Variants in DCAF6 observed in about 807,000 individuals in gnomAD.
DCAF6 encodes the protein DDB1- and CUL4-associated factor 6.
DCAF6 carries 54 observed loss-of-function variants against 125.1 expected under a neutral mutation model. The observed-to-expected ratio is 0.43, with a 90% CI of 0.35 to 0.54. DCAF6 has a LOEUF of 0.54. Ranked by LOEUF, DCAF6 falls within the 20% of genes least tolerant of loss-of-function variation. The pLI, the probability that DCAF6 is intolerant of heterozygous loss-of-function variation, is 0.01. For missense variants in DCAF6, 934 were observed against 1,161.7 expected, an observed-to-expected ratio of 0.80 and a Z score of 2.85; for synonymous variants, 371 against 390.4, an observed-to-expected ratio of 0.95 and a Z score of 0.58.
chr1:168,052,217 A>G lies in DCAF6; in HGVS notation c.2300+1284A>G, dbSNP rs114387368. On this transcript the variant is annotated intron_variant, in intron 17 of 21. Transcript: ENST00000367840. Reference sequence around the variant, plus strand: ...ACTTTCTGATTAATTGTATGACAATAAAATGGAATTTGCTTCAGAGTTTTT... The same window carrying G: ...ACTTTCTGATTAATTGTATGACAATGAAATGGAATTTGCTTCAGAGTTTTT... Among the ~76,000 whole-genome samples, 319 of 152,358 alleles carry G rather than the reference A, an allele frequency of 2.1e-3. 2 individuals carry two copies. The highest frequency in any genetic ancestry group is 7.2e-3 in the African/African-American group (298 of 41,582).
At chr1:167,905,151 A>G in the DCAF6 span, 2 of 1,614,196 alleles carry the variant, frequency 1.2e-6, no homozygotes, top group Non-Finnish European at 1.7e-6. Flanking sequence ...GTTCAAGACA[A>G]ATGTTCAGGA....
chr1:167,878,010 T>C, the DCAF6 span, among the ~76,000 whole-genome samples: 82 of 152,320 alleles, frequency 5.4e-4, no homozygotes, highest in African/African-American at 1.9e-3. Context: ...CACCCATAAA[T>C]CTATGCTGAG....
intron 2 of DCAF6, among the ~76,000 whole-genome samples, chr1:167,958,183 G>T (rs921276736): frequency 1.3e-5 from 2 of 152,216 alleles, no homozygotes; most frequent in African/African-American, 4.8e-5. Context: ...TGCTTGGGCT[G>T]TTGGTGCCGT....
chr1:168,039,886 A>T (rs955617686), intron 13 of DCAF6, among the ~76,000 whole-genome samples: 5 of 151,740 alleles, frequency 3.3e-5, no homozygotes, highest in Admixed American at 3.3e-4. Context: ...ATTAAGTAGG[A>T]TCTTAAAATA....
chr1:167,986,952 T>C (rs1218626407), intron 4 of DCAF6, among the ~76,000 whole-genome samples: 1 of 152,224 alleles, frequency 6.6e-6, no homozygotes, highest in African/African-American at 2.4e-5. Context: ...ATATAAAGTT[T>C]GACATTTAAA....
At chr1:167,949,660 T>C (rs1673623477) in intron 1 of DCAF6, among the ~76,000 whole-genome samples, 1 of 152,132 alleles carries the variant, frequency 6.6e-6, no homozygotes, top group Admixed American at 6.5e-5. Flanking sequence ...GTAGTAAATT[T>C]TTTTGCCTCT....
chr1:167,975,630 C>T (rs1571753102), intron 4 of DCAF6, among the ~76,000 whole-genome samples: 1 of 152,326 alleles, frequency 6.6e-6, no homozygotes, highest in East Asian at 1.9e-4. Flanking sequence ...TCTGCAGCTT[C>T]AAACTCCCAG....
At chr1:168,049,410 T>G (rs1040172711) in intron 16 of DCAF6, among the ~76,000 whole-genome samples, 1 of 140,436 alleles carries the variant, frequency 7.1e-6, no homozygotes, top group Non-Finnish European at 1.5e-5. Flanking sequence ...ACTCTGCTAA[T>G]TTGTTGTTGT....
chr1:168,067,581 G>T (rs1692492750), intron 20 of DCAF6, among the ~76,000 whole-genome samples: 1 of 152,174 alleles, frequency 6.6e-6, no homozygotes, highest in Non-Finnish European at 1.5e-5. Flanking sequence ...CCATCAGTGT[G>T]CCTGGAACCC....
intron 13 of DCAF6, among the ~76,000 whole-genome samples, chr1:168,039,865 TA>T (rs1433518634): frequency 6.6e-6 from 1 of 151,658 alleles, no homozygotes; most frequent in African/African-American, 2.4e-5. Context: ...TATTTTATAT[TA>T]AAATATTTGA....
chr1:168,010,398 G>GGTCA (rs1684125077), intron 10 of DCAF6, among the ~76,000 whole-genome samples: 1 of 152,056 alleles, frequency 6.6e-6, no homozygotes, highest in Admixed American at 6.5e-5. Context: ...AATCTAGAGG[G>GGTCA]GTCACAGTGT....
the DCAF6 span, among the ~76,000 whole-genome samples, chr1:167,925,828 T>C: frequency 1.3e-5 from 2 of 152,170 alleles, no homozygotes; most frequent in African/African-American, 4.8e-5. Flanking sequence ...ATTACAGGCG[T>C]GAGCCACCGT....
intron 3 of DCAF6, among the ~76,000 whole-genome samples, chr1:167,974,213 T>TA (rs201606118): frequency 1.4e-4 from 21 of 150,954 alleles, no homozygotes; most frequent in Middle Eastern, 3.4e-3. Context: ...CCTTGCCCAT[T>TA]AAAAAAAAAT....
intron 21 of DCAF6, among the ~76,000 whole-genome samples, chr1:168,069,783 T>C (rs1185448965): frequency 6.6e-6 from 1 of 152,186 alleles, no homozygotes; most frequent in East Asian, 1.9e-4. Context: ...AAAATGTTAA[T>C]AGACCAACAA....
chr1:168,032,205 G>A (rs1687192040), intron 12 of DCAF6, among the ~76,000 whole-genome samples: 1 of 152,182 alleles, frequency 6.6e-6, no homozygotes, highest in Non-Finnish European at 1.5e-5. Context: ...TTTCGTTTTG[G>A]CTTGCATAGT....
chr1:167,894,168 C>T, the DCAF6 span, among the ~76,000 whole-genome samples: 26 of 152,318 alleles, frequency 1.7e-4, no homozygotes, highest in South Asian at 8.3e-4. Flanking sequence ...AGCTCAAAAC[C>T]TTGTTCAAAC....
At chr1:167,980,754 A>G (rs1402320489) in intron 4 of DCAF6, among the ~76,000 whole-genome samples, 1 of 152,024 alleles carries the variant, frequency 6.6e-6, no homozygotes, top group Admixed American at 6.6e-5. Flanking sequence ...TTTTAGATAC[A>G]TGGTTCACAA....
the DCAF6 span, chr1:167,896,616 A>G: frequency 6.2e-7 from 1 of 1,613,460 alleles, no homozygotes; most frequent in Non-Finnish European, 8.5e-7. Context: ...CCAGAAGGAT[A>G]ATAATGCATG....
At chr1:167,869,352 A>G in the DCAF6 span, among the ~76,000 whole-genome samples, 1 of 152,224 alleles carries the variant, frequency 6.6e-6, no homozygotes, top group East Asian at 1.9e-4. Context: ...AATCTATTGC[A>G]CAAGAAGGCA....
Sources: allele counts gnomAD v4.1 joint callset (sites outside exome capture counted in the v4.1 genomes callset), GRCh38; gene constraint gnomAD v4.1.1; transcripts MANE v1.5; gene names NCBI Gene and HGNC (gene_info 2026-07-23, HGNC 2026-07-21).